Variants in MYH16 observed in about 807,000 individuals in gnomAD.
MYH16 encodes the protein putative uncharacterized protein MYH16.
chr7:99,309,531 C>G (rs144184876), downstream of MYH16, among the ~76,000 whole-genome samples: 313 of 152,328 alleles, frequency 2.1e-3, 1 homozygote, highest in African/African-American at 7.2e-3. Flanking sequence ...AGAAGCTTGT[C>G]TCTGCATTAA....
chr7:99,269,864 A>AC (rs1792026646), intron 18 of MYH16, among the ~76,000 whole-genome samples: 2 of 126,064 alleles, frequency 1.6e-5, no homozygotes, highest in Admixed American at 1.6e-4. Flanking sequence ...ATCTGGGGAC[A>AC]CTTTTTTTTT....
chr7:99,291,265 G>A (rs561368828), intron 30 of MYH16, 58 bp from the exon 12 acceptor site: 1 of 444,432 alleles, frequency 2.3e-6, no homozygotes, highest in South Asian at 1.6e-5. Context: ...GGGAACTTTG[G>A]ATCTGGCTGG....
intron 2 of MYH16, among the ~76,000 whole-genome samples, chr7:99,245,825 C>T (rs1290698187): frequency 1.3e-5 from 2 of 152,118 alleles, no homozygotes; most frequent in Non-Finnish European, 2.9e-5. Flanking sequence ...TGCGCCTGGC[C>T]TTTCTGTTCT....
intron 20 of MYH16, among the ~76,000 whole-genome samples, chr7:99,274,302 A>T (rs1183260388): frequency 6.6e-6 from 1 of 152,228 alleles, no homozygotes; most frequent in Admixed American, 6.5e-5. Flanking sequence ...ATTAAGAGGG[A>T]CATGTCTCTG....
intron 20 of MYH16, 75 bp downstream of exon 2, chr7:99,273,498 G>C (rs1231035415): frequency 2.2e-6 from 1 of 450,102 alleles, no homozygotes; most frequent in African/African-American, 2.0e-5. Flanking sequence ...CCTGGACAGA[G>C]ATGCCCCTCG....
chr7:99,278,727 G>A (rs933905066), intron 21 of MYH16, among the ~76,000 whole-genome samples: 6 of 152,176 alleles, frequency 3.9e-5, no homozygotes, highest in Non-Finnish European at 5.9e-5. Flanking sequence ...GCTCTGCCAC[G>A]GCCATCTCTG....
At chr7:99,285,265 G>C (rs2150823506) in intron 26 of MYH16, 117 bp from the exon 9 acceptor site, 1 of 422,420 alleles carries the variant, frequency 2.4e-6, no homozygotes, top group East Asian at 7.1e-5. Context: ...GCCTCTCTCT[G>C]CTTTTGACAG....
intron 11 of MYH16, among the ~76,000 whole-genome samples, chr7:99,259,845 A>ATGTG (rs148747244): frequency 2.5e-4 from 35 of 137,364 alleles, no homozygotes; most frequent in African/African-American, 1.1e-3. Context: ...ATATGTATGT[A>ATGTG]TGTGTATATA....
At chr7:99,256,216 A>G (rs1403309999) in intron 9 of MYH16, among the ~76,000 whole-genome samples, 1 of 137,322 alleles carries the variant, frequency 7.3e-6, no homozygotes, top group Admixed American at 8.1e-5. Context: ...AGGCAGGAGA[A>G]TTGCTTGAGT....
intron 36 of MYH16, 34 bp downstream of exon 17, chr7:99,298,029 G>C (rs886069963): frequency 2.2e-6 from 1 of 456,378 alleles, no homozygotes; most frequent in Non-Finnish European, 4.4e-6. Flanking sequence ...GCTGACTCTT[G>C]GGAAGTGTGA....
At chr7:99,268,476 G>T (rs1792014613) in intron 18 of MYH16, among the ~76,000 whole-genome samples, 1 of 152,226 alleles carries the variant, frequency 6.6e-6, no homozygotes, top group Non-Finnish European at 1.5e-5. Flanking sequence ...TCAGAATCTG[G>T]CACAGCTCAG....
intron 18 of MYH16, chr7:99,267,052 C>T (rs1166752971): frequency 6.6e-6 from 1 of 152,590 alleles, no homozygotes; most frequent in Non-Finnish European, 1.5e-5. Context: ...GGTGTGGATT[C>T]CACCTGACCA....
At chr7:99,267,982 A>G (rs539367924) in intron 18 of MYH16, among the ~76,000 whole-genome samples, 2 of 152,318 alleles carry the variant, frequency 1.3e-5, no homozygotes, top group East Asian at 3.9e-4. Context: ...GGAAGCTTCC[A>G]GCATGCCTGT....
chr7:99,277,775 A>G (rs1230059422), intron 21 of MYH16, 63 bp downstream of exon 3: 1 of 392,116 alleles, frequency 2.6e-6, no homozygotes, highest in South Asian at 1.9e-5. Context: ...GGGAGGGAGG[A>G]AGGGCGAGCT....
intron 21 of MYH16, among the ~76,000 whole-genome samples, chr7:99,277,943 C>G (rs58243898): frequency 0.013 from 1,670 of 128,892 alleles, 14 homozygotes; most frequent in African/African-American, 0.039. Context: ...GAGAGACAGA[C>G]AGACAGACAG....
intron 20 of MYH16, among the ~76,000 whole-genome samples, chr7:99,274,801 G>C (rs1792089895): frequency 6.6e-6 from 1 of 150,422 alleles, no homozygotes; most frequent in Non-Finnish European, 1.5e-5. Flanking sequence ...AGCCTCCTGA[G>C]TATCTGGGAT....
chr7:99,269,284 TTTTTC>T (rs1244985972), intron 18 of MYH16, among the ~76,000 whole-genome samples: 1 of 151,778 alleles, frequency 6.6e-6, no homozygotes, highest in Non-Finnish European at 1.5e-5. Context: ...TTTTTTTTTT[TTTTTC>T]TTAAGAGACA....
intron 1 of MYH16, among the ~76,000 whole-genome samples, chr7:99,240,453 G>C (rs1791654076): frequency 6.6e-6 from 1 of 152,050 alleles, no homozygotes; most frequent in South Asian, 2.1e-4. Context: ...AGCAAGCAAA[G>C]AAAACAAAAC....
At chr7:99,289,913 A>AT (rs888917357) in intron 30 of MYH16, among the ~76,000 whole-genome samples, 20 of 150,438 alleles carry the variant, frequency 1.3e-4, no homozygotes, top group Middle Eastern at 3.4e-3. Context: ...TTAGTTTAGG[A>AT]TTTTTTTTTT....
Sources: gnomAD v4.1 joint callset for allele counts (sites outside exome capture counted in the v4.1 genomes callset) on GRCh38, gnomAD v4.1.1 for gene constraint, MANE v1.5 for transcripts, NCBI Gene and HGNC (gene_info 2026-07-23, HGNC 2026-07-21) for gene names.